The following RALYL variants were observed in gnomAD, a reference collection of about 807,000 sequenced individuals.
RALYL encodes RALY RNA binding protein like.
In RALYL, 29 loss-of-function variants were observed where a neutral mutation model predicts 35.1. The ratio of observed to expected loss-of-function variants is 0.83; its 90% CI spans 0.61 to 1.13. The LOEUF (loss-of-function observed/expected upper bound fraction) is 1.13, where lower values mean the gene tolerates loss of function less well. Ranked by LOEUF, RALYL falls within the 50% of genes most tolerant of loss-of-function variation. RALYL has a pLI of 0.00. For synonymous variants in RALYL, 120 were observed against 127.6 expected (o/e 0.94, Z 0.40); for missense variants, 359 against 360.4 (o/e 1.00, Z 0.03).
intron 2 of RALYL, among the ~76,000 whole-genome samples, chr8:84,680,347 T>A (rs915614252): frequency 2.6e-5 from 4 of 152,180 alleles, no homozygotes; most frequent in African/African-American, 9.7e-5. Context: ...TGATTTATAA[T>A]CCTTTGGGTA....
At chr8:84,730,002 G>T (rs879449063) in intron 2 of RALYL, among the ~76,000 whole-genome samples, 12 of 152,054 alleles carry the variant, frequency 7.9e-5, no homozygotes, top group Admixed American at 7.2e-4. Flanking sequence ...CCAATCAATA[G>T]AAAAAGAGGG....
intron 3 of RALYL, among the ~76,000 whole-genome samples, chr8:84,797,861 A>T (rs1822309926): frequency 1.3e-5 from 2 of 152,130 alleles, no homozygotes; most frequent in Non-Finnish European, 2.9e-5. Context: ...ATTTACTTTT[A>T]TCCTACAGAA....
At chr8:84,401,823 AC>A (rs1451754405) in intron 1 of RALYL, among the ~76,000 whole-genome samples, 1 of 149,692 alleles carries the variant, frequency 6.7e-6, no homozygotes, top group Non-Finnish European at 1.5e-5. Context: ...TTGCAGTAAA[AC>A]TTTTTTTTTT....
intron 6 of RALYL, among the ~76,000 whole-genome samples, chr8:84,867,428 T>C (rs1839374147): frequency 6.6e-6 from 1 of 152,226 alleles, no homozygotes; most frequent in Admixed American, 6.5e-5. Context: ...ATCACTACTA[T>C]TTTTGCTTTT....
intron 1 of RALYL, among the ~76,000 whole-genome samples, chr8:84,340,606 G>A (rs763970718): frequency 6.6e-6 from 1 of 152,060 alleles, no homozygotes; most frequent in East Asian, 1.9e-4. Context: ...ATCACATTTG[G>A]CAGGATTCCC....
chr8:84,280,709 A>G lies in RALYL; in HGVS notation c.-24+96285A>G, dbSNP rs1172556399. Among the ~76,000 whole-genome samples, 3 of 150,996 alleles carry G rather than the reference A, an allele frequency of 2.0e-5. No homozygotes were observed. The South Asian group carries it at 6.2e-4, about 31-fold the overall frequency. ...CTTAGCTTTGAATTCATAGTACCCA[A>G]CAAAGTACATATATGTCTCTACATA... On this transcript the variant is annotated intron_variant, in intron 1 of 8. Coordinates refer to ENST00000521268, the MANE Select transcript of RALYL (RefSeq NM_173848.7).
intron 4 of RALYL, among the ~76,000 whole-genome samples, chr8:84,808,186 G>A (rs935181331): frequency 1.2e-4 from 18 of 152,108 alleles, no homozygotes; most frequent in East Asian, 7.7e-4. Context: ...TGTATAAGAC[G>A]AGAGATGAGG....
intron 1 of RALYL, among the ~76,000 whole-genome samples, chr8:84,351,296 CATG>C: frequency 6.7e-6 from 1 of 150,142 alleles, no homozygotes; most frequent in East Asian, 1.9e-4. Context: ...CTGAAACTGT[CATG>C]ATATTAATAT....
At chr8:84,905,197 A>G (rs1846281389) in intron 8 of RALYL, among the ~76,000 whole-genome samples, 1 of 152,172 alleles carries the variant, frequency 6.6e-6, no homozygotes, top group Non-Finnish European at 1.5e-5. Context: ...TATTTGTCTT[A>G]CTGTCACTCA....
chr8:84,248,417 T>G (rs1271845855), intron 1 of RALYL, among the ~76,000 whole-genome samples: 1 of 152,148 alleles, frequency 6.6e-6, no homozygotes, highest in Non-Finnish European at 1.5e-5. Context: ...ACTTGATGTG[T>G]CCCTCTTAGT....
At chr8:84,544,795 T>C (rs1333664669) in intron 2 of RALYL, among the ~76,000 whole-genome samples, 1 of 152,030 alleles carries the variant, frequency 6.6e-6, no homozygotes, top group Non-Finnish European at 1.5e-5. Context: ...TTCCATATAT[T>C]CCATATATCC....
intron 1 of RALYL, among the ~76,000 whole-genome samples, chr8:84,441,470 C>A (rs2048323989): frequency 6.6e-6 from 1 of 151,984 alleles, no homozygotes. Context: ...ATGTTCATAA[C>A]AATAAAGTGG....
chr8:84,247,232 G>T (rs1055014069), intron 1 of RALYL, among the ~76,000 whole-genome samples: 22 of 152,066 alleles, frequency 1.4e-4, no homozygotes, highest in African/African-American at 5.3e-4. Flanking sequence ...CCTATTAGAG[G>T]AGCAAATATC....
intron 2 of RALYL, among the ~76,000 whole-genome samples, chr8:84,692,295 T>C (rs1458155527): frequency 4.0e-5 from 6 of 151,746 alleles, no homozygotes; most frequent in African/African-American, 1.2e-4. Flanking sequence ...TATAGAAAAA[T>C]CAAAAACAAT....
intron 1 of RALYL, among the ~76,000 whole-genome samples, chr8:84,381,165 G>A (rs1048163248): frequency 2.6e-5 from 4 of 151,878 alleles, no homozygotes; most frequent in African/African-American, 4.8e-5. Flanking sequence ...CGACAGCCAC[G>A]ACCCTGTTTC....
chr8:84,369,160 C>T (rs2131390339), intron 1 of RALYL, among the ~76,000 whole-genome samples: 1 of 152,176 alleles, frequency 6.6e-6, no homozygotes, highest in South Asian at 2.1e-4. Context: ...TATCGCTGTC[C>T]TCAGGCCACA....
chr8:84,687,168 A>G (rs1038947221), intron 2 of RALYL, among the ~76,000 whole-genome samples: 4 of 152,168 alleles, frequency 2.6e-5, no homozygotes, highest in Admixed American at 6.6e-5. Flanking sequence ...TTGAGGTTTA[A>G]CCTATTCTAT....
chr8:84,627,396 A>G (rs1822967840), intron 2 of RALYL, among the ~76,000 whole-genome samples: 1 of 147,512 alleles, frequency 6.8e-6, no homozygotes, highest in African/African-American at 2.5e-5. Context: ...AAATACTGTC[A>G]TTCTTAATTT....
intron 2 of RALYL, among the ~76,000 whole-genome samples, chr8:84,730,618 T>C (rs1216501307): frequency 6.6e-6 from 1 of 152,116 alleles, no homozygotes; most frequent in South Asian, 2.1e-4. Flanking sequence ...GACGACATGA[T>C]TGTATATCTA....
Sources: gnomAD v4.1 joint callset for allele counts (sites outside exome capture counted in the v4.1 genomes callset) on GRCh38, gnomAD v4.1.1 for gene constraint, MANE v1.5 for transcripts, NCBI Gene and HGNC (gene_info 2026-07-23, HGNC 2026-07-21) for gene names.